Variants in LAMA1 observed in about 807,000 individuals in gnomAD.
The protein encoded by LAMA1 is laminin subunit alpha 1.
Under a neutral mutation model 348.7 loss-of-function variants are expected in LAMA1, and 219 were observed. The ratio of observed to expected loss-of-function variants is 0.63; its 90% CI spans 0.56 to 0.70. LAMA1 has a LOEUF of 0.70. Among genes scored for constraint, LAMA1 ranks in the 30% least tolerant of loss-of-function variants. LAMA1 has a pLI of 0.00. For missense variants in LAMA1, 3,744 were observed against 3,888.0 expected (o/e 0.96, Z 0.99); for synonymous variants, 1,487 against 1,491.0 (o/e 1.00, Z 0.06).
At chr18:7,071,655 C>T (rs779223654) in intron 3 of LAMA1, among the ~76,000 whole-genome samples, 1 of 152,208 alleles carries the variant, frequency 6.6e-6, no homozygotes, top group Non-Finnish European at 1.5e-5. Context: ...TTCAGTTATA[C>T]TGGGAAATGT....
chr18:7,003,252 G>T (rs1215035101), intron 29 of LAMA1, among the ~76,000 whole-genome samples: 2 of 131,002 alleles, frequency 1.5e-5, no homozygotes, highest in East Asian at 2.2e-4. Flanking sequence ...ACTTATTTTG[G>T]TTGTTTTTTT....
chr18:7,010,854 G>A (rs1265395879), intron 25 of LAMA1, among the ~76,000 whole-genome samples: 1 of 152,172 alleles, frequency 6.6e-6, no homozygotes, highest in Non-Finnish European at 1.5e-5. Flanking sequence ...CCAGGCCATA[G>A]CACCTAGGTT....
intron 51 of LAMA1, chr18:6,964,021 T>C (rs1185049985): frequency 3.3e-5 from 5 of 153,700 alleles, no homozygotes; most frequent in African/African-American, 1.2e-4. Flanking sequence ...TTTCTTTTTT[T>C]TTTTTTCCTT....
intron 61 of LAMA1, among the ~76,000 whole-genome samples, 185 bp downstream of exon 61, chr18:6,946,978 T>C (rs1271751671): frequency 1.3e-5 from 2 of 152,244 alleles, no homozygotes; most frequent in Admixed American, 1.3e-4. Context: ...AAAGTTATTT[T>C]TGAAAAGCTT....
chr18:6,972,715 G>A (rs1314699245), intron 47 of LAMA1, among the ~76,000 whole-genome samples: 1 of 152,144 alleles, frequency 6.6e-6, no homozygotes, highest in African/African-American at 2.4e-5. Context: ...TTGAGATGGA[G>A]TTTTGCTCCT....
chr18:6,949,215 G>A lies in LAMA1; in HGVS notation c.8442C>T (p.Asp2814=), dbSNP rs138633363. The A allele has an allele frequency of 5.7e-5, 92 of 1,614,206 alleles. No individual in the cohort carries two copies. In the East Asian group the frequency reaches 8.2e-4, roughly 14 times the overall value. The change falls in exon 59 of 63, where the codon GAC becomes GAT. Residue 2814 remains aspartate (D), a synonymous_variant. Coordinates refer to ENST00000389658, the MANE Select transcript of LAMA1 (RefSeq NM_005559.4). The stretch of plus-strand genomic sequence containing the variant: ...CAGTCACCATGGGAGACTCTCGGCC[G>A]TCGACAGTTATGAAGCCTTTTCTTT... ...YVKRKGFITV[D]GRESPMVTVV... is the part of the protein sequence containing the mutation.
chr18:6,965,608 C>A, intron 49 of LAMA1, 176 bp from the exon 50 acceptor site: 1 of 645,534 alleles, frequency 1.5e-6, no homozygotes, highest in South Asian at 1.8e-5. Context: ...CTTTCTAGAA[C>A]ACTACACTAA....
intron 1 of LAMA1, among the ~76,000 whole-genome samples, chr18:7,088,107 C>G (rs1004725397): frequency 6.6e-6 from 1 of 152,144 alleles, no homozygotes; most frequent in Non-Finnish European, 1.5e-5. Flanking sequence ...AGAAGAAATA[C>G]TCTTAGCCCA....
At position 7,059,510 on chromosome 18, in the gene LAMA1, G is replaced by A. The variant is rs544103398; in HGVS notation, c.346-8574C>T. Among the ~76,000 whole-genome samples the A allele has an allele frequency of 3.3e-5, 5 of 152,320 alleles. No homozygotes were observed. In the South Asian group the frequency reaches 1.0e-3, roughly 32 times the overall value. On this transcript the variant is annotated intron_variant, in intron 3 of 62. Coordinates refer to ENST00000389658, the MANE Select transcript of LAMA1 (RefSeq NM_005559.4). ...CACTTTCTGAAAAGGAATCCAGACAGGAATGTTCATGTGGGCCTCAATCTT... is the reference window on the plus strand; with the variant it reads ...CACTTTCTGAAAAGGAATCCAGACAAGAATGTTCATGTGGGCCTCAATCTT...
rs552394852 is a variant in LAMA1 at position 7,078,144 on chromosome 18, T to A, written c.345+1831A>T. Among the ~76,000 whole-genome samples the A allele has an allele frequency of 3.3e-5, 5 of 150,446 alleles. No individual in the cohort carries two copies. The East Asian group carries it at 9.7e-4, about 29-fold the overall frequency. On this transcript the variant is annotated intron_variant, in intron 3 of 62. Transcript: ENST00000389658. ...AGAAGCTCTTTTCTCTTTTTATTTT[T>A]TTTTGTTTTTTATTTTATTTTATTT...
At chr18:6,994,271 G>C (rs988773233) in intron 34 of LAMA1, among the ~76,000 whole-genome samples, 3 of 152,134 alleles carry the variant, frequency 2.0e-5, no homozygotes, top group African/African-American at 4.8e-5. Flanking sequence ...GGGCTGCTAC[G>C]AGAACTACAC....
chr18:7,050,793 G>A lies in LAMA1; in HGVS notation c.489C>T (p.Tyr163=), dbSNP rs925537795. The change falls in exon 4 of 63, where the codon TAC becomes TAT. Residue 163 remains tyrosine, a synonymous_variant. Coordinates refer to ENST00000389658, the MANE Select transcript of LAMA1 (RefSeq NM_005559.4). ...GTGGCCCTCGTCTTGGAGTTATATT[G>A]TAACGAGACAAACACTCTGAGTCGC... The part of the protein sequence containing the change: ...AVSDSECLSR[Y]NITPRRGPPT... 5.0e-6 allele frequency: 8 copies of A among 1,614,172 alleles called. No individual in the cohort carries two copies. Among genetic ancestry groups the A allele is most frequent in the Non-Finnish European group, 8.5e-7 (1 of 1,180,042 alleles).
chr18:6,944,285 G>A (rs62081478), intron 61 of LAMA1, among the ~76,000 whole-genome samples: 59,494 of 151,990 alleles, frequency 0.39, 13,516 homozygotes, highest in Non-Finnish European at 0.52. Context: ...CAAAGTGCCG[G>A]GATTACAGGT....
intron 19 of LAMA1, among the ~76,000 whole-genome samples, chr18:7,020,149 A>G (rs1215279337): frequency 6.6e-6 from 1 of 152,160 alleles, no homozygotes; most frequent in Non-Finnish European, 1.5e-5. Context: ...ATTTAATATA[A>G]GAGTCCTTTA....
At chr18:7,003,826 A>G (rs1227361137) in intron 29 of LAMA1, among the ~76,000 whole-genome samples, 1 of 152,184 alleles carries the variant, frequency 6.6e-6, no homozygotes, top group African/African-American at 2.4e-5. Context: ...AGTTCATTTA[A>G]ATGTTTTTAA....
intron 61 of LAMA1, among the ~76,000 whole-genome samples, chr18:6,945,689 C>CA (rs1327578025): frequency 6.6e-6 from 1 of 152,068 alleles, no homozygotes; most frequent in Non-Finnish European, 1.5e-5. Context: ...CACATGACCC[C>CA]ACGGGGAAGC....
At chr18:7,103,405 A>G (rs930193014) in intron 1 of LAMA1, among the ~76,000 whole-genome samples, 2 of 151,688 alleles carry the variant, frequency 1.3e-5, no homozygotes, top group Admixed American at 6.6e-5. Context: ...ACTCCATCTC[A>G]AAAATAAAAA....
At chr18:6,961,481 C>G (rs1230843013) in intron 53 of LAMA1, 105 bp downstream of exon 53, 5 of 1,366,778 alleles carry the variant, frequency 3.7e-6, no homozygotes, top group Non-Finnish European at 5.1e-6. Context: ...CATAAACAAC[C>G]AGGAACACGG....
At chr18:6,958,331 C>T (rs1035095160) in intron 55 of LAMA1, 146 bp downstream of exon 55, 1 of 782,878 alleles carries the variant, frequency 1.3e-6, no homozygotes, top group Non-Finnish European at 2.2e-6. Context: ...GGGAGACTTA[C>T]ATGATAGAAC....
Sources: allele counts gnomAD v4.1 joint callset (sites outside exome capture counted in the v4.1 genomes callset), GRCh38; gene constraint gnomAD v4.1.1; transcripts MANE v1.5; gene names NCBI Gene and HGNC (gene_info 2026-07-23, HGNC 2026-07-21).